Variants in ST14 observed in about 807,000 individuals in gnomAD.
The protein encoded by ST14 is suppressor of tumorigenicity 14 protein.
ST14 carries 40 observed loss-of-function variants against 96.5 expected under a neutral mutation model. The ratio of observed to expected loss-of-function variants is 0.41; its 90% CI spans 0.32 to 0.54. ST14 has a LOEUF of 0.54. ST14 is among the 20% of genes least tolerant of loss of function. The pLI is 0.17. For synonymous variants in ST14, 506 were observed against 492.1 expected (o/e 1.03, Z -0.37); for missense variants, 1,066 against 1,188.9 (o/e 0.90, Z 1.52).
In ST14 at chr11:130,195,893, G is replaced by A. The variant is rs557695341; in HGVS notation, c.1114-446G>A. On this transcript the variant is annotated intron_variant, in intron 9 of 18. Transcript: ENST00000278742. ...GAAAAGAGGCTGGGTGTGGTGGCTC[G>A]TGCCTGTAATCCCAGCACTTTGGGA... Among the ~76,000 whole-genome samples, 16 of 150,056 alleles carry A rather than the reference G, an allele frequency of 1.1e-4. No homozygotes were observed. The East Asian group carries it at 1.6e-3, about 15-fold the overall frequency.
chr11:130,203,463 TC>T lies in ST14; in HGVS notation c.1994+3330del, dbSNP rs202041622. 2.8e-4 allele frequency among the ~76,000 whole-genome samples: 42 copies of T among 152,208 alleles called. No individual in the cohort carries two copies. In the East Asian group the frequency reaches 7.6e-3, roughly 27 times the overall value. ...GCACCACTCGAGCCCAGAGGGGCCT[TC>T]CCCAAATCTGATCACCCCAATCTCT... is the stretch of plus-strand genomic sequence containing the variant. On this transcript the variant is annotated intron_variant, in intron 16 of 18. Coordinates refer to ENST00000278742, the MANE Select transcript of ST14 (RefSeq NM_021978.4).
chr11:130,188,295 T>C lies in ST14; in HGVS notation c.241+22T>C, dbSNP rs7103244. The C allele has an allele frequency of 4.4e-3, 7,094 of 1,607,208 alleles. 260 individuals are homozygous for C. In the African/African-American group the frequency reaches 0.08, roughly 18 times the overall value. On this transcript the variant is annotated intron_variant, in intron 2 of 18. Coordinates refer to ENST00000278742, the MANE Select transcript of ST14 (RefSeq NM_021978.4). This position sits in a 1 kb window ranked among gnomAD's most constrained non-coding sequence, Gnocchi z 5.4. The stretch of plus-strand genomic sequence containing the variant: ...CAGTGTGAGTAAAGCTGGGGCTGGC[T>C]CCGGGGAGGACGACAAGGGGTGGCT...
At chr11:130,168,764 T>TG (rs961304394) in intron 1 of ST14, among the ~76,000 whole-genome samples, 1 of 152,124 alleles carries the variant, frequency 6.6e-6, no homozygotes, top group Non-Finnish European at 1.5e-5. Context: ...TGCCCTCCCC[T>TG]GGGGGTGGGG....
chr11:130,159,858 G>C lies in ST14; in HGVS notation c.-122G>C, dbSNP rs950628830. On this transcript the variant is annotated 5_prime_UTR_variant, in exon 1 of 19. Transcript: ENST00000278742. ...CAGGGCGAGGGCACCGCCGCCGGTC[G>C]GGCGCGCTGGGCCTGCCCGGAATCC... is the stretch of plus-strand genomic sequence containing the variant. The C allele has an allele frequency of 1.6e-5, 6 of 370,144 alleles. No homozygotes were observed. The highest frequency in any genetic ancestry group is 2.6e-5 in the Non-Finnish European group (6 of 234,422). The allele number at this position is 370,144 out of a possible 1,614,324, so 22.9% of individuals were successfully genotyped here.
intron 1 of ST14, among the ~76,000 whole-genome samples, chr11:130,175,707 A>G (rs1028969419): frequency 2.7e-5 from 4 of 150,690 alleles, no homozygotes; most frequent in African/African-American, 7.4e-5. Flanking sequence ...TTTCTTGCCC[A>G]GGCTGGAGTG....
intron 12 of ST14, 110 bp from the exon 13 acceptor site, chr11:130,198,198 C>A: frequency 1.8e-6 from 2 of 1,117,748 alleles, no homozygotes; most frequent in Non-Finnish European, 2.7e-6. Context: ...CCCCTTGGGC[C>A]TCTCTGTAGA....
intron 1 of ST14, among the ~76,000 whole-genome samples, chr11:130,174,691 C>T (rs1015636452): frequency 1.3e-5 from 2 of 152,204 alleles, no homozygotes; most frequent in Admixed American, 6.5e-5. Flanking sequence ...AAGCATCCTC[C>T]TCCACTGTCA....
At chr11:130,164,894 T>A (rs7123830) in intron 1 of ST14, among the ~76,000 whole-genome samples, 8,586 of 151,866 alleles carry the variant, frequency 0.057, 786 homozygotes, top group African/African-American at 0.19. Flanking sequence ...TGCACCACCA[T>A]GCACGGCTAA....
intron 1 of ST14, among the ~76,000 whole-genome samples, chr11:130,172,503 T>C (rs1953101787): frequency 2.7e-5 from 4 of 150,212 alleles, no homozygotes; most frequent in Admixed American, 1.3e-4. Context: ...CTGCAAGCTC[T>C]GCCTCCCAGG....
intron 1 of ST14, among the ~76,000 whole-genome samples, chr11:130,177,821 A>G (rs928960101): frequency 1.3e-5 from 2 of 152,190 alleles, no homozygotes; most frequent in African/African-American, 4.8e-5. Context: ...TTGATTTCTA[A>G]TTTAAGTTTT....
At chr11:130,167,038 C>G (rs1396898046) in intron 1 of ST14, among the ~76,000 whole-genome samples, 1 of 152,052 alleles carries the variant, frequency 6.6e-6, no homozygotes, top group African/African-American at 2.4e-5. Context: ...TGGTGAAACC[C>G]CATCTCCACT....
rs1452294106 is a variant in ST14, at chr11:130,188,646, G to A, written c.358G>A (p.Val120Met). Residue 120 changes from valine to methionine, a missense_variant, in exon 3 of 19, where the codon GTG (valine) becomes ATG (methionine). Coordinates refer to ENST00000278742, the MANE Select transcript of ST14 (RefSeq NM_021978.4). The surrounding 1 kb of genome is among the most constrained non-coding windows in gnomAD (Gnocchi z 5.4). ...STEFVSLASK[V>M]KDALKLLYSG... is the part of the protein sequence containing the mutation. ...TGAGTTTGTAAGCCTGGCCAGCAAGGTGAAGGACGCGGTGAGTGCAGCCTG... is the reference window on the plus strand; with the variant it reads ...TGAGTTTGTAAGCCTGGCCAGCAAGATGAAGGACGCGGTGAGTGCAGCCTG... 5 of 1,614,102 alleles carry A rather than the reference G, an allele frequency of 3.1e-6. No homozygotes were observed. The highest frequency in any genetic ancestry group is 4.2e-6 in the Non-Finnish European group (5 of 1,180,046).
chr11:130,209,400 C>T (rs1288449062), intron 17 of ST14, 42 bp from the exon 18 acceptor site: 2 of 1,559,060 alleles, frequency 1.3e-6, no homozygotes, highest in Non-Finnish European at 8.7e-7. Flanking sequence ...ACGCTGCCCT[C>T]GAAGCAGCCC....
intron 1 of ST14, among the ~76,000 whole-genome samples, chr11:130,168,125 T>C (rs1953058128): frequency 6.6e-6 from 1 of 152,260 alleles, no homozygotes; most frequent in Admixed American, 6.5e-5. Flanking sequence ...AACATATCAT[T>C]CTTTCCATCT....
intron 16 of ST14, among the ~76,000 whole-genome samples, chr11:130,202,294 C>T (rs1050388944): frequency 6.6e-6 from 1 of 152,154 alleles, no homozygotes; most frequent in Admixed American, 6.5e-5. Context: ...CTTCAACACC[C>T]CTGGTTACTA....
intron 9 of ST14, among the ~76,000 whole-genome samples, chr11:130,196,009 A>C (rs1032723877): frequency 1.3e-5 from 2 of 151,418 alleles, no homozygotes; most frequent in Non-Finnish European, 2.9e-5. Flanking sequence ...ATACAAAAAA[A>C]ATTATCTGGG....
intron 1 of ST14, among the ~76,000 whole-genome samples, chr11:130,182,485 G>A (rs1319131843): frequency 4.0e-5 from 6 of 151,756 alleles, no homozygotes; most frequent in Admixed American, 2.0e-4. Flanking sequence ...GCCATGTCTG[G>A]CTAGTTTTTT....
At position 130,196,339 on chromosome 11, in the gene ST14, G is replaced by T; in HGVS notation, c.1114G>T (p.Val372Leu). The change falls in exon 10 of 19, where the codon GTG becomes TTG. Residue 372 changes from valine (V) to leucine (L), a missense_variant and splice_region_variant. Physicochemically the swap from Val to Leu is conservative, Grantham distance 32 (BLOSUM62 1). Coordinates refer to ENST00000278742, the MANE Select transcript of ST14 (RefSeq NM_021978.4). ...PNIDCTWNIE[V>L]PNNQHVKVRF... The stretch of plus-strand genomic sequence containing the variant: ...TTCCCAGCAGCCTCTCTTCCCTCAG[G>T]TGCCCAACAACCAGCATGTGAAGGT... 6.3e-7 allele frequency: 1 copy of T among 1,585,038 alleles called. No homozygotes were observed. The highest frequency in any genetic ancestry group is 8.6e-7 in the Non-Finnish European group (1 of 1,165,566).
intron 8 of ST14, 38 bp from the exon 9 acceptor site, chr11:130,194,602 T>G (rs1591890449): frequency 6.2e-7 from 1 of 1,608,236 alleles, no homozygotes; most frequent in Non-Finnish European, 8.5e-7. Context: ...GCCGGGCAGG[T>G]TCCTGATCCT....
Sources: gnomAD v4.1 joint callset for allele counts (sites outside exome capture counted in the v4.1 genomes callset) on GRCh38, gnomAD v4.1.1 for gene constraint, Gnocchi (gnomAD v3.1) non-coding constraint, MANE v1.5 for transcripts, NCBI Gene and HGNC (gene_info 2026-07-23, HGNC 2026-07-21) for gene names.